SENP7: variants seen among roughly 807,000 people sequenced by gnomAD.
SENP7 encodes sentrin-specific protease 7.
A neutral mutation model predicts 141.2 loss-of-function variants in SENP7; 64 were observed. That is an observed-to-expected ratio of 0.45 (90% CI 0.37 to 0.56). SENP7 has a LOEUF of 0.56. Among genes scored for constraint, SENP7 ranks in the 20% least tolerant of loss-of-function variants. The pLI is 0.00. For missense variants in SENP7, 1,025 were observed against 1,212.2 expected, an observed-to-expected ratio of 0.85 and a Z score of 2.29; for synonymous variants, 382 against 426.4, an observed-to-expected ratio of 0.90 and a Z score of 1.28.
intron 4 of SENP7, among the ~76,000 whole-genome samples, chr3:101,431,508 C>CTTTTTTTTTTTT (rs56937965): frequency 9.6e-5 from 8 of 82,906 alleles, no homozygotes; most frequent in East Asian, 3.7e-4. Context: ...GCAACCCCTG[C>CTTTTTTTTTTTT]TTTTTTTTTT....
At chr3:101,444,901 T>A (rs1019025783) in intron 4 of SENP7, among the ~76,000 whole-genome samples, 5 of 150,848 alleles carry the variant, frequency 3.3e-5, no homozygotes, top group Non-Finnish European at 7.4e-5. Flanking sequence ...ATAATAATAA[T>A]AAATGAATAA....
intron 5 of SENP7, among the ~76,000 whole-genome samples, chr3:101,406,531 A>G (rs942654499): frequency 1.3e-5 from 2 of 152,020 alleles, no homozygotes; most frequent in African/African-American, 2.4e-5. Flanking sequence ...ATGTATACAT[A>G]TGTAACAAAC....
chr3:101,353,937 A>G (rs1053056716), intron 11 of SENP7, among the ~76,000 whole-genome samples: 9 of 152,006 alleles, frequency 5.9e-5, no homozygotes, highest in African/African-American at 1.9e-4. Context: ...TAATTCTCTA[A>G]TATCTTTACC....
At chr3:101,501,164 A>C in intron 1 of SENP7, 45 bp from the exon 2 acceptor site, 1 of 1,278,448 alleles carries the variant, frequency 7.8e-7, no homozygotes, top group Non-Finnish European at 1.1e-6. Context: ...TTAACATCTA[A>C]ATGAGATAAA....
Position 101,457,235 on chromosome 3 carries a change from C to T in SENP7, c.284+1720G>A, listed in dbSNP as rs1576412939. ...TTCAAGTTTTATCTTCAGAAGTTGA[C>T]TCAATTCAGTTTGCCTCATTCTTGG... On this transcript the variant is annotated intron_variant, in intron 4 of 23. Transcript: ENST00000394095. The T allele has an allele frequency of 3.8e-6, 6 of 1,581,198 alleles. No individual in the cohort carries two copies. The East Asian group carries it at 6.7e-5, about 18-fold the overall frequency.
At chr3:101,451,282 G>A (rs144588074) in intron 4 of SENP7, among the ~76,000 whole-genome samples, 1 of 152,142 alleles carries the variant, frequency 6.6e-6, no homozygotes. Flanking sequence ...AATTCTACCA[G>A]AGGTACAAAG....
chr3:101,455,263 T>C lies in SENP7; in HGVS notation c.284+3692A>G, dbSNP rs73865632. Among the ~76,000 whole-genome samples, 1,283 of 152,312 alleles carry C rather than the reference T, an allele frequency of 8.4e-3. 24 individuals are homozygous for C. Among genetic ancestry groups the C allele is most frequent in the African/African-American group, 0.029 (1,198 of 41,572 alleles). On this transcript the variant is annotated intron_variant, in intron 4 of 23. Coordinates refer to ENST00000394095, the MANE Select transcript of SENP7 (RefSeq NM_020654.5). The stretch of plus-strand genomic sequence containing the variant: ...AATACTGAACTAGGTTTCCTAGAGA[T>C]GCATTAACAACATTCCTCTCCATTA...
intron 10 of SENP7, among the ~76,000 whole-genome samples, chr3:101,364,558 A>G (rs2059986508): frequency 6.6e-6 from 1 of 152,216 alleles, no homozygotes; most frequent in Non-Finnish European, 1.5e-5. Flanking sequence ...TGTTAGTGAA[A>G]TGTCCAATGA....
intron 4 of SENP7, among the ~76,000 whole-genome samples, chr3:101,427,509 A>AAAAAT: frequency 6.6e-6 from 1 of 150,538 alleles, no homozygotes; most frequent in Non-Finnish European, 1.5e-5. Context: ...AAAAAAAAAA[A>AAAAAT]TTTGATTTAT....
At chr3:101,506,853 G>T (rs2065636848) in intron 1 of SENP7, among the ~76,000 whole-genome samples, 1 of 152,198 alleles carries the variant, frequency 6.6e-6, no homozygotes, top group Non-Finnish European at 1.5e-5. Flanking sequence ...AAGAGTTCAA[G>T]AACAGCCCAG....
chr3:101,445,366 C>T (rs867194534), intron 4 of SENP7, among the ~76,000 whole-genome samples: 6 of 151,582 alleles, frequency 4.0e-5, no homozygotes, highest in African/African-American at 1.5e-4. Context: ...AAAGTATCTA[C>T]CATCATGAAA....
At position 101,325,744 on chromosome 3, in the gene SENP7, T is replaced by C. The variant is rs1005678059; in HGVS notation, c.*199A>G. The C allele has an allele frequency of 2.7e-6, 1 of 369,526 alleles. No individual in the cohort carries two copies. The allele number at this position is 369,526 out of a possible 1,614,324, so 22.9% of individuals were successfully genotyped here. A position where few individuals can be genotyped will look rare whatever the true frequency, so the allele number is the denominator to read the frequency against. On this transcript the variant is annotated 3_prime_UTR_variant, in exon 24 of 24. Transcript: ENST00000394095. ...AATTTATATCTAGTAAGTTTATCTA[T>C]ATCACCCCCATTCCCATTCCATCTA...
At chr3:101,342,239 A>G (rs1230473148) in intron 14 of SENP7, among the ~76,000 whole-genome samples, 1 of 152,222 alleles carries the variant, frequency 6.6e-6, no homozygotes, top group African/African-American at 2.4e-5. Context: ...GTGGCTTTCT[A>G]TAGGCCTTTT....
rs538071490 is a variant in SENP7, at chr3:101,449,456, G to C, written c.284+9499C>G. Among the ~76,000 whole-genome samples, 21 of 152,304 alleles carry C rather than the reference G, an allele frequency of 1.4e-4. No individual in the cohort carries two copies. The East Asian group carries it at 3.3e-3, about 24-fold the overall frequency. ...GTTGAAATGAAAGAAAAAATGTTAA[G>C]GGCAGCCAGAGAGGAAGGTCGGGTT... is the stretch of plus-strand genomic sequence containing the variant. On this transcript the variant is annotated intron_variant, in intron 4 of 23. Coordinates refer to ENST00000394095, the MANE Select transcript of SENP7 (RefSeq NM_020654.5).
Position 101,337,593 on chromosome 3 carries a change from T to C in SENP7, c.2396A>G (p.Glu799Gly). ...AAAGCTACTAAAAATGTGACTTCGT[T>C]CAACAAGTTCATCTGATGCCTTCTC... ...ILEKASDELV[E>G]RSHIFSSFFY... Residue 799 changes from glutamate (E) to glycine (G), a missense_variant, in exon 17 of 24, where the codon GAA becomes GGA. Coordinates refer to ENST00000394095, the MANE Select transcript of SENP7 (RefSeq NM_020654.5). The C allele has an allele frequency of 6.2e-7, 1 of 1,606,026 alleles. No homozygotes were observed. Among genetic ancestry groups the C allele is most frequent in the Non-Finnish European group, 8.5e-7 (1 of 1,175,102 alleles).
intron 4 of SENP7, among the ~76,000 whole-genome samples, chr3:101,435,478 AAAGGAAG>A (rs2062350171): frequency 6.6e-6 from 1 of 152,124 alleles, no homozygotes; most frequent in South Asian, 2.1e-4. Flanking sequence ...TCCAAATTGC[AAAGGAAG>A]AAGTCAAATT....
intron 3 of SENP7, among the ~76,000 whole-genome samples, chr3:101,469,832 A>G (rs2063913829): frequency 1.6e-5 from 1 of 61,350 alleles, no homozygotes; most frequent in South Asian, 5.3e-4. Context: ...CTCCGTCTCA[A>G]AAAAAAAAAA....
rs2059076186 is a variant in SENP7, at chr3:101,332,217, A to T, written c.2574-108T>A. The T allele has an allele frequency of 2.7e-6, 3 of 1,112,550 alleles. No homozygotes were observed. The African/African-American group carries it at 4.7e-5, about 18-fold the overall frequency. 68.9% of individuals were successfully genotyped at this position (1,112,550 alleles called of 1,614,324 possible). A position where few individuals can be genotyped will look rare whatever the true frequency, so the allele number is the denominator to read the frequency against. On this transcript the variant is annotated intron_variant, in intron 18 of 23. Transcript: ENST00000394095. Reference sequence around the variant, plus strand: ...GAGAATAAATTTCATATTAATTTTGAAGACATCCACTGTAACATCTCATTA... The same window carrying T: ...GAGAATAAATTTCATATTAATTTTGTAGACATCCACTGTAACATCTCATTA...
rs139753697 is a variant in SENP7 at position 101,410,845 on chromosome 3, AAAAATAAAAT to A, written c.482+6738_482+6747del. Reference sequence around the variant, plus strand: ...GGATGACAGAGTGAGATTCTGTCTCAAAAATAAAATAAAATAAAATAAAATAAAATAAAAT... The same window carrying A: ...GGATGACAGAGTGAGATTCTGTCTCAAAAATAAAATAAAATAAAATAAAAT... On this transcript the variant is annotated intron_variant, in intron 5 of 23. Coordinates refer to ENST00000394095, the MANE Select transcript of SENP7 (RefSeq NM_020654.5). Among the ~76,000 whole-genome samples, 508 of 126,196 alleles carry A rather than the reference AAAAATAAAAT, an allele frequency of 4.0e-3. 18 individuals carry two copies. In the East Asian group the frequency reaches 0.09, roughly 22 times the overall value. The allele number at this position is 126,196 out of a possible 152,430, so 82.8% of individuals were successfully genotyped here.
Sources: gnomAD v4.1 joint callset for allele counts (sites outside exome capture counted in the v4.1 genomes callset) on GRCh38, gnomAD v4.1.1 for gene constraint, MANE v1.5 for transcripts, NCBI Gene and HGNC (gene_info 2026-07-23, HGNC 2026-07-21) for gene names.